The following SORCS1 variants were observed in gnomAD, a reference collection of about 807,000 sequenced individuals.
SORCS1 encodes the protein VPS10 domain-containing receptor SorCS1.
A neutral mutation model predicts 146.1 loss-of-function variants in SORCS1; 60 were observed. That is an observed-to-expected ratio of 0.41 (90% CI 0.33 to 0.51). The LOEUF is 0.51. Ranked by LOEUF, SORCS1 falls within the 20% of genes least tolerant of loss-of-function variation. The pLI is 0.21. For missense variants in SORCS1, 1,352 were observed against 1,487.6 expected, an observed-to-expected ratio of 0.91 and a Z score of 1.50; for synonymous variants, 637 against 584.0, an observed-to-expected ratio of 1.09 and a Z score of -1.31.
intron 2 of SORCS1, among the ~76,000 whole-genome samples, chr10:106,933,694 C>T (rs936894579): frequency 2.0e-5 from 3 of 152,184 alleles, no homozygotes; most frequent in Non-Finnish European, 4.4e-5. Flanking sequence ...TTTACCTGCT[C>T]CAACTCCCAA....
At chr10:107,010,976 G>GCCAA (rs1337324576) in intron 1 of SORCS1, among the ~76,000 whole-genome samples, 1 of 152,122 alleles carries the variant, frequency 6.6e-6, no homozygotes, top group Non-Finnish European at 1.5e-5. Flanking sequence ...ACCACATGGA[G>GCCAA]CCAAGCCTTG....
chr10:107,175,849 C>G, the SORCS1 span, among the ~76,000 whole-genome samples: 4 of 152,222 alleles, frequency 2.6e-5, no homozygotes, highest in Admixed American at 2.6e-4. Context: ...TTGTATTACT[C>G]TTATCATTTT....
At chr10:107,016,155 G>A (rs1957888272) in intron 1 of SORCS1, among the ~76,000 whole-genome samples, 1 of 152,130 alleles carries the variant, frequency 6.6e-6, no homozygotes, top group African/African-American at 2.4e-5. Context: ...TAGACAAATT[G>A]ACAAACATGG....
In SORCS1 at chr10:107,158,864, T is replaced by C. The variant is rs984128840; in HGVS notation, c.558+5105A>G. The stretch of plus-strand genomic sequence containing the variant: ...AAATGAGATTCATGTATCTGCTTTT[T>C]TGCCCTATCCTATGAACTTCTAAGG... On this transcript the variant is annotated intron_variant, in intron 1 of 25. Transcript: ENST00000263054. Among the ~76,000 whole-genome samples the C allele has an allele frequency of 2.0e-5, 3 of 152,332 alleles. No individual in the cohort carries two copies. In the East Asian group the frequency reaches 5.8e-4, roughly 29 times the overall value.
chr10:106,866,651 A>G (rs1024216387), intron 2 of SORCS1, among the ~76,000 whole-genome samples: 1 of 152,200 alleles, frequency 6.6e-6, no homozygotes, highest in East Asian at 1.9e-4. Flanking sequence ...GAGAGGAAAC[A>G]TGGGGAAGCC....
chr10:107,153,630 G>C (rs1590256206), intron 1 of SORCS1, among the ~76,000 whole-genome samples: 1 of 152,214 alleles, frequency 6.6e-6, no homozygotes, highest in African/African-American at 2.4e-5. Context: ...AAAAAGCCTG[G>C]ACAGCAGACT....
chr10:106,657,154 T>C (rs1223653846), intron 17 of SORCS1, among the ~76,000 whole-genome samples: 1 of 152,144 alleles, frequency 6.6e-6, no homozygotes, highest in Non-Finnish European at 1.5e-5. Flanking sequence ...CACCTGTACA[T>C]GTATGCTTAT....
At position 106,825,269 on chromosome 10, in the gene SORCS1, C is replaced by CTTT. The variant is rs35830829; in HGVS notation, c.726+4302_726+4304dup. Among the ~76,000 whole-genome samples, 156 of 119,158 alleles carry CTTT rather than the reference C, an allele frequency of 1.3e-3. 2 individuals are homozygous for CTTT. Among genetic ancestry groups the CTTT allele is most frequent in the African/African-American group, 3.1e-3 (96 of 31,044 alleles). 78.2% of individuals were successfully genotyped at this position (119,158 alleles called of 152,430 possible). ...TTTGAGAGTGAAATTGAGATTTCAA[C>CTTT]TTTTTTTTTTTTTTTTTTTTGAGAC... On this transcript the variant is annotated intron_variant, in intron 3 of 25. Coordinates refer to ENST00000263054, the MANE Select transcript of SORCS1 (RefSeq NM_052918.5).
At chr10:106,862,674 G>A (rs551778838) in intron 2 of SORCS1, among the ~76,000 whole-genome samples, 119 of 151,528 alleles carry the variant, frequency 7.9e-4, no homozygotes, top group African/African-American at 2.5e-3. Context: ...GGCTGGGCGC[G>A]GTGGCTCGCG....
At chr10:107,065,660 T>C (rs1307205853) in intron 1 of SORCS1, among the ~76,000 whole-genome samples, 1 of 151,612 alleles carries the variant, frequency 6.6e-6, no homozygotes, top group Non-Finnish European at 1.5e-5. Context: ...TTTGTTTGTT[T>C]GTTTGTTTGT....
rs1341673 is a variant in SORCS1 at position 106,592,205 on chromosome 10, A to T, written c.3265+5146T>A. Among the ~76,000 whole-genome samples the T allele has an allele frequency of 5.7e-4, 87 of 152,248 alleles. 1 individual carries two copies. The South Asian group carries it at 8.7e-3, about 15-fold the overall frequency. On this transcript the variant is annotated intron_variant, in intron 24 of 25. Coordinates refer to ENST00000263054, the MANE Select transcript of SORCS1 (RefSeq NM_052918.5). ...AAACATACCTGTCAGGAGTGGTTAG[A>T]CCCTTAAGAAAAACTGCATGAAAAC...
chr10:106,755,429 A>G (rs1858561647), intron 5 of SORCS1, among the ~76,000 whole-genome samples: 1 of 152,190 alleles, frequency 6.6e-6, no homozygotes, highest in Non-Finnish European at 1.5e-5. Context: ...AAGAGGATCA[A>G]ATAGCATGAT....
At chr10:106,916,778 C>A (rs996914917) in intron 2 of SORCS1, among the ~76,000 whole-genome samples, 3 of 151,858 alleles carry the variant, frequency 2.0e-5, no homozygotes, top group African/African-American at 7.3e-5. Context: ...GAGACAGAGT[C>A]CCACTCTGTC....
At chr10:107,031,066 G>C (rs764749850) in intron 1 of SORCS1, among the ~76,000 whole-genome samples, 49 of 152,196 alleles carry the variant, frequency 3.2e-4, no homozygotes, top group Non-Finnish European at 5.4e-4. Flanking sequence ...TGTTTCTGAA[G>C]GGACAGCTCA....
intron 1 of SORCS1, among the ~76,000 whole-genome samples, chr10:107,039,308 CAG>C (rs890291357): frequency 3.2e-5 from 4 of 123,746 alleles, no homozygotes; most frequent in East Asian, 2.5e-4. Context: ...AGCCTGGCGA[CAG>C]AGAGACTCCA....
chr10:106,843,507 C>T (rs866446470), intron 2 of SORCS1, among the ~76,000 whole-genome samples: 1 of 148,114 alleles, frequency 6.8e-6, no homozygotes, highest in African/African-American at 2.5e-5. Context: ...TCTCGGCTCA[C>T]TGCAAGCTCC....
In SORCS1 at chr10:106,874,116, G is replaced by A. The variant is rs374620468; in HGVS notation, c.627-44443C>T. 2.6e-4 allele frequency among the ~76,000 whole-genome samples: 39 copies of A among 152,264 alleles called. 1 individual carries two copies. The East Asian group carries it at 7.3e-3, about 29-fold the overall frequency. The stretch of plus-strand genomic sequence containing the variant: ...TATACAATGAGCTCACTGCATCTAA[G>A]AGCCAGGAGATTTGCATAACCACAG... On this transcript the variant is annotated intron_variant, in intron 2 of 25. Transcript: ENST00000263054.
chr10:107,027,150 G>A lies in SORCS1; in HGVS notation c.559-70570C>T, dbSNP rs145599632. Among the ~76,000 whole-genome samples, 188 of 151,018 alleles carry A rather than the reference G, an allele frequency of 1.2e-3. 4 individuals are homozygous for A. In the South Asian group the frequency reaches 0.019, roughly 15 times the overall value. ...TGTAACTTCTCTCTGAAGGCATGAC[G>A]AGAAAGAGAAAGCCTGGTTATGTGA... On this transcript the variant is annotated intron_variant, in intron 1 of 25. Coordinates refer to ENST00000263054, the MANE Select transcript of SORCS1 (RefSeq NM_052918.5).
intron 1 of SORCS1, among the ~76,000 whole-genome samples, chr10:107,066,900 A>G (rs1961923910): frequency 6.6e-6 from 1 of 152,204 alleles, no homozygotes; most frequent in Non-Finnish European, 1.5e-5. Context: ...CTTGCTTACT[A>G]GTTAGCCAAC....
Sources: allele counts gnomAD v4.1 joint callset (sites outside exome capture counted in the v4.1 genomes callset), GRCh38; gene constraint gnomAD v4.1.1; transcripts MANE v1.5; gene names NCBI Gene and HGNC (gene_info 2026-07-23, HGNC 2026-07-21).